SFI1: variants seen among roughly 807,000 people sequenced by gnomAD.
The protein encoded by SFI1 is protein SFI1 homolog.
A neutral mutation model predicts 207.5 loss-of-function variants in SFI1; 195 were observed. The ratio of observed to expected loss-of-function variants is 0.94; its 90% CI spans 0.84 to 1.06. The LOEUF (loss-of-function observed/expected upper bound fraction) is 1.06. Ranked by LOEUF, SFI1 falls within the 50% of genes least tolerant of loss-of-function variation. The pLI, the probability that SFI1 is intolerant of heterozygous loss-of-function variation, is 0.00. For synonymous variants in SFI1, 630 were observed against 598.9 expected (o/e 1.05, Z -0.76); for missense variants, 1,634 against 1,588.0 (o/e 1.03, Z -0.49).
intron 4 of SFI1, among the ~76,000 whole-genome samples, chr22:31,534,107 T>C (rs2058759498): frequency 6.6e-6 from 1 of 152,156 alleles, no homozygotes; most frequent in East Asian, 1.9e-4. Flanking sequence ...TAAAGCATTA[T>C]TACTCTCATT....
intron 15 of SFI1, among the ~76,000 whole-genome samples, chr22:31,594,266 C>T (rs560093366): frequency 3.3e-5 from 5 of 152,134 alleles, no homozygotes; most frequent in African/African-American, 1.2e-4. Flanking sequence ...TTACAAAGGT[C>T]GGGCCGGGTG....
At chr22:31,531,217 C>G (rs1386160135) in intron 4 of SFI1, 88 bp downstream of exon 4, 2 of 1,084,200 alleles carry the variant, frequency 1.8e-6, no homozygotes, top group African/African-American at 3.2e-5. Context: ...TTCATTATGG[C>G]TTGTGCTGTT....
chr22:31,586,771 G>C (rs1418914346), intron 14 of SFI1, among the ~76,000 whole-genome samples: 12 of 152,176 alleles, frequency 7.9e-5, no homozygotes, highest in Admixed American at 7.2e-4. Context: ...TGGAAAACGA[G>C]CACTCCCCTT....
rs71184513 is a variant in SFI1, at chr22:31,598,716, C to CTTTTTTTTTTTTTTTTTTTTTTT, written c.1545-3495_1545-3473dup. On this transcript the variant is annotated intron_variant, in intron 15 of 32. Transcript: ENST00000400288. ...ACAGGCATAAGCCACTGCGCCTGGC[C>CTTTTTTTTTTTTTTTTTTTTTTT]TTTTTTTTTTTTTTTTTTTTTTTGA... is the stretch of plus-strand genomic sequence containing the variant. 7.4e-5 allele frequency among the ~76,000 whole-genome samples: 2 copies of CTTTTTTTTTTTTTTTTTTTTTTT among 26,882 alleles called. 1 individual carries two copies. The highest frequency in any genetic ancestry group is 4.7e-3 in the South Asian group (2 of 426). The allele number at this position is 26,882 out of a possible 152,430, so 17.6% of individuals were successfully genotyped here.
At chr22:31,507,020 T>C (rs899000218) in intron 1 of SFI1, among the ~76,000 whole-genome samples, 2 of 152,154 alleles carry the variant, frequency 1.3e-5, no homozygotes, top group East Asian at 1.9e-4. Flanking sequence ...TTAAAATTCA[T>C]ATGGAACAAA....
intron 1 of SFI1, 88 bp downstream of exon 1, chr22:31,496,725 C>T (rs1266427794): frequency 5.3e-5 from 8 of 152,290 alleles, no homozygotes; most frequent in Non-Finnish European, 1.2e-4. Flanking sequence ...TCGGGTTCCT[C>T]CGAGCCCGGT....
intron 23 of SFI1, among the ~76,000 whole-genome samples, chr22:31,611,544 A>C (rs1436838308): frequency 1.3e-5 from 2 of 152,128 alleles, no homozygotes; most frequent in African/African-American, 2.4e-5. Flanking sequence ...TCAGCGGAAA[A>C]ACCCGGTTCA....
chr22:31,599,884 T>TA (rs200813978), intron 15 of SFI1, among the ~76,000 whole-genome samples: 6,652 of 151,938 alleles, frequency 0.044, 128 homozygotes, highest in Non-Finnish European at 0.05. Context: ...GTTGTTATTT[T>TA]TTTTTTTTTT....
chr22:31,553,529 ATTTTT>A (rs71202096), intron 6 of SFI1, among the ~76,000 whole-genome samples: 2 of 82,626 alleles, frequency 2.4e-5, no homozygotes, highest in Middle Eastern at 8.2e-3. Context: ...TAATTTTTGT[ATTTTT>A]TTTTTTTTTT....
At chr22:31,597,364 C>T (rs1484675987) in intron 15 of SFI1, among the ~76,000 whole-genome samples, 1 of 152,116 alleles carries the variant, frequency 6.6e-6, no homozygotes, top group Non-Finnish European at 1.5e-5. Context: ...CCTGTTTTGG[C>T]TTGGTTGGAC....
At chr22:31,518,193 G>T (rs1172756462) in intron 2 of SFI1, among the ~76,000 whole-genome samples, 1 of 152,108 alleles carries the variant, frequency 6.6e-6, no homozygotes, top group Non-Finnish European at 1.5e-5. Flanking sequence ...CACCATGTTG[G>T]CCAGGCTGGT....
intron 21 of SFI1, chr22:31,606,680 ATTTTCTTTTTTTC>A (rs2069034951): frequency 4.4e-6 from 1 of 225,960 alleles, no homozygotes; most frequent in Non-Finnish European, 8.2e-6. Context: ...CAGAACCAGT[ATTTTCTTTTTTTC>A]TTTTTTTTTT....
chr22:31,546,972 G>A lies in SFI1; in HGVS notation c.449+1G>A. On this transcript the variant is annotated splice_donor_variant, in intron 5 of 32. Coordinates refer to ENST00000400288, the MANE Select transcript of SFI1 (RefSeq NM_001007467.3). LOFTEE classifies it high-confidence loss of function. ...GTGTTCGAGCTGACTGTCACTACAG[G>A]TCAGGTTTCATGTTACACTCCTTCA... 1.3e-6 allele frequency: 2 copies of A among 1,598,064 alleles called. No individual in the cohort carries two copies. Among genetic ancestry groups the A allele is most frequent in the South Asian group, 1.1e-5 (1 of 88,792 alleles).
intron 1 of SFI1, among the ~76,000 whole-genome samples, chr22:31,507,815 C>T (rs1291388841): frequency 6.6e-6 from 1 of 152,146 alleles, no homozygotes; most frequent in African/African-American, 2.4e-5. Context: ...TGGCTCACCA[C>T]TGTAATTTTA....
rs2063929757 is a variant in SFI1 at position 31,580,078 on chromosome 22, T to C, written c.1156-194T>C. On this transcript the variant is annotated intron_variant, in intron 11 of 32. Transcript: ENST00000400288. The stretch of plus-strand genomic sequence containing the variant: ...GCAAATATTTATTAAGTGCCTGCTG[T>C]GCAGGCTGGCTTGTGTTAGGCTCCC... 5.5e-6 allele frequency: 3 copies of C among 547,674 alleles called. No homozygotes were observed. The East Asian group carries it at 9.5e-5, about 17-fold the overall frequency. 33.9% of individuals were successfully genotyped at this position (547,674 alleles called of 1,614,324 possible). A position where few individuals can be genotyped will look rare whatever the true frequency, so the allele number is the denominator to read the frequency against.
At chr22:31,562,921 C>A (rs1316680092) in intron 8 of SFI1, among the ~76,000 whole-genome samples, 1 of 151,512 alleles carries the variant, frequency 6.6e-6, no homozygotes, top group Non-Finnish European at 1.5e-5. Flanking sequence ...CGTGAGCCAC[C>A]ACATCCGGCC....
chr22:31,501,260 C>T (rs1353733299), intron 1 of SFI1, among the ~76,000 whole-genome samples: 1 of 151,582 alleles, frequency 6.6e-6, no homozygotes, highest in Non-Finnish European at 1.5e-5. Flanking sequence ...CAAGTTCTGC[C>T]TCCTGGGTTC....
chr22:31,614,533 T>C (rs1432617229), intron 27 of SFI1: 1 of 670,464 alleles, frequency 1.5e-6, no homozygotes. Flanking sequence ...CCTGGCGACC[T>C]GTACACCAGC....
chr22:31,511,941 C>T (rs1408075668), intron 2 of SFI1, among the ~76,000 whole-genome samples: 3 of 152,012 alleles, frequency 2.0e-5, no homozygotes, highest in South Asian at 4.1e-4. Flanking sequence ...TGTGAGTCAC[C>T]GTGCCCCAGC....
Sources: gnomAD v4.1 joint callset for allele counts (sites outside exome capture counted in the v4.1 genomes callset) on GRCh38, gnomAD v4.1.1 for gene constraint, MANE v1.5 for transcripts, NCBI Gene and HGNC (gene_info 2026-07-23, HGNC 2026-07-21) for gene names.